SMYD5: variants seen among roughly 807,000 people sequenced by gnomAD.
SMYD5 encodes SMYD family member 5.
SMYD5 carries 35 observed loss-of-function variants against 57.4 expected under a neutral mutation model. The observed-to-expected ratio is 0.61, with a 90% CI of 0.47 to 0.81. The LOEUF (loss-of-function observed/expected upper bound fraction) is 0.81, where lower values mean the gene tolerates loss of function less well. Ranked by LOEUF, SMYD5 falls within the 30% of genes least tolerant of loss-of-function variation. The pLI is 0.00. For missense variants in SMYD5, 471 were observed against 527.9 expected, an observed-to-expected ratio of 0.89 and a Z score of 1.06; for synonymous variants, 198 against 189.7, an observed-to-expected ratio of 1.04 and a Z score of -0.36.
intron 10 of SMYD5, 124 bp from the exon 11 acceptor site, chr2:73,224,742 G>T: frequency 2.9e-6 from 2 of 694,946 alleles, no homozygotes; most frequent in Non-Finnish European, 4.9e-6. Context: ...CCAGAAACTT[G>T]GGTTCCAAAA....
chr2:73,221,347 T>C, intron 5 of SMYD5, 113 bp downstream of exon 5: 1 of 845,300 alleles, frequency 1.2e-6, no homozygotes, highest in Middle Eastern at 3.3e-4. Context: ...TTCCTGGCCT[T>C]CCCAAAGGAG....
intron 4 of SMYD5, 68 bp downstream of exon 4, chr2:73,220,850 G>T (rs1686373946): frequency 1.9e-6 from 3 of 1,561,006 alleles, no homozygotes; most frequent in South Asian, 2.3e-5. Flanking sequence ...GGCTCATCAG[G>T]TGTTGCCGTC....
Position 73,224,023 on chromosome 2 carries a change from A to T in SMYD5, c.940+20A>T, listed in dbSNP as rs760786903. ...GCTGCTGTGAGTCATGGCGTTGAGG[A>T]GGGATGGTCCCAGGCGCTTCTGCCT... is the stretch of plus-strand genomic sequence containing the variant. On this transcript the variant is annotated intron_variant, in intron 10 of 12. Transcript: ENST00000389501. 3.7e-6 allele frequency: 6 copies of T among 1,612,602 alleles called. No homozygotes were observed. The highest frequency in any genetic ancestry group is 1.6e-4 in the Middle Eastern group (1 of 6,082).
In SMYD5 at chr2:73,225,785, C is replaced by T; in HGVS notation, c.1107-11C>T. 6.2e-7 allele frequency: 1 copy of T among 1,614,092 alleles called. No homozygotes were observed. Among genetic ancestry groups the T allele is most frequent in the Non-Finnish European group, 8.5e-7 (1 of 1,179,958 alleles). On this transcript the variant is annotated splice_polypyrimidine_tract_variant and intron_variant, in intron 12 of 12. Coordinates refer to ENST00000389501, the MANE Select transcript of SMYD5 (RefSeq NM_006062.3). ...CTGACTTTTCCCCCTCACCATCCCC[C>T]ACCGCTGCAGGGAGAACTATCTATT...
intron 9 of SMYD5, 44 bp downstream of exon 9, chr2:73,223,576 C>A: frequency 1.5e-6 from 2 of 1,312,200 alleles, no homozygotes; most frequent in Non-Finnish European, 2.2e-6. Context: ...ATGGCGACCC[C>A]CCCAGTCAGA....
Position 73,227,048 on chromosome 2 carries a change from C to G in SMYD5, c.*1102C>G, listed in dbSNP as rs77757530. The G allele has an allele frequency of 0.02, 3,134 of 152,936 alleles. 52 individuals are homozygous for G. Among genetic ancestry groups the G allele is most frequent in the Middle Eastern group, 0.051 (15 of 294 alleles). The allele number at this position is 152,936 out of a possible 1,614,324, so 9.5% of individuals were successfully genotyped here. A position where few individuals can be genotyped will look rare whatever the true frequency, so the allele number is the denominator to read the frequency against. ...TCCTGGAGGAGCCTGCTGCATTCTC[C>G]TGCTGAGGGATCCCAGAGAGGGCAG... On this transcript the variant is annotated 3_prime_UTR_variant, in exon 13 of 13. Transcript: ENST00000389501.
chr2:73,218,953 A>C lies in SMYD5; in HGVS notation c.189A>C (p.Ala63=). The C allele has an allele frequency of 6.2e-7, 1 of 1,613,348 alleles. No homozygotes were observed. Among genetic ancestry groups the C allele is most frequent in the Non-Finnish European group, 8.5e-7 (1 of 1,179,238 alleles). The part of the protein sequence containing the change: ...PLVAAQFLWN[A]LYRYRACDHC... The stretch of plus-strand genomic sequence containing the variant: ...TGGCTGCACAGTTTCTCTGGAATGC[A>C]CTTTATCGCTACCGAGGTGAGTACA... The change falls in exon 2 of 13, where the codon GCA becomes GCC. Residue 63 remains alanine, a synonymous_variant. Coordinates refer to ENST00000389501, the MANE Select transcript of SMYD5 (RefSeq NM_006062.3).
In SMYD5 at chr2:73,214,255, G is replaced by T. The variant is rs367690227; in HGVS notation, c.-12G>T. 25 of 1,613,614 alleles carry T rather than the reference G, an allele frequency of 1.5e-5. No individual in the cohort carries two copies. The African/African-American group carries it at 2.8e-4, about 18-fold the overall frequency. On this transcript the variant is annotated 5_prime_UTR_variant, in exon 1 of 13. The change creates a new upstream start codon in the 5' untranslated region. Transcript: ENST00000389501. ...GCGGGGTTAAGGGTCATAAGGCGGA[G>T]GCGCGCCCAAGATGGCGGCCTCCAT...
rs1686506612 is a variant in SMYD5, at chr2:73,226,371, GA to G, written c.*426del. 1 of 163,884 alleles carries G rather than the reference GA, an allele frequency of 6.1e-6. No individual in the cohort carries two copies. Among genetic ancestry groups the G allele is most frequent in the Non-Finnish European group, 1.3e-5 (1 of 74,810 alleles). The allele number at this position is 163,884 out of a possible 1,614,324, so 10.2% of individuals were successfully genotyped here. Reference sequence around the variant, plus strand: ...AAGAAAGACCGAGTTCATTGAAGCAGAGATGGGAGGTGGTGAGGCGTCCTCA... The same window carrying G: ...AAGAAAGACCGAGTTCATTGAAGCAGGATGGGAGGTGGTGAGGCGTCCTCA... On this transcript the variant is annotated 3_prime_UTR_variant, in exon 13 of 13. Transcript: ENST00000389501.
chr2:73,220,579 G>T, intron 3 of SMYD5, 82 bp from the exon 4 acceptor site: 1 of 1,518,158 alleles, frequency 6.6e-7, no homozygotes, highest in Non-Finnish European at 9.1e-7. Context: ...ACAGCTCAGG[G>T]GCTATTTGTG....
At chr2:73,222,937 A>C (rs1201691024) in intron 7 of SMYD5, 99 bp from the exon 8 acceptor site, 1 of 1,483,624 alleles carries the variant, frequency 6.7e-7, no homozygotes. Context: ...TCTGGAGTTC[A>C]GATGAGCCTG....
intron 1 of SMYD5, among the ~76,000 whole-genome samples, chr2:73,215,670 A>C (rs1686281994): frequency 6.6e-6 from 1 of 150,730 alleles, no homozygotes. Context: ...TCCTTTCTTC[A>C]TTTCTTCCCT....
At position 73,226,003 on chromosome 2, in the gene SMYD5, C is replaced by A; in HGVS notation, c.*57C>A. 6.5e-7 allele frequency: 1 copy of A among 1,537,030 alleles called. No individual in the cohort carries two copies. Among genetic ancestry groups the A allele is most frequent in the South Asian group, 1.2e-5 (1 of 80,940 alleles). Reference sequence around the variant, plus strand: ...GACCCTGCCAGAAAAGGGGGCTCTTCCCCCAGAGAAGTGGCTTGGAGGGAA... The same window carrying A: ...GACCCTGCCAGAAAAGGGGGCTCTTACCCCAGAGAAGTGGCTTGGAGGGAA... On this transcript the variant is annotated 3_prime_UTR_variant, in exon 13 of 13. Transcript: ENST00000389501.
chr2:73,214,273 G>A lies in SMYD5; in HGVS notation c.7G>A (p.Ala3Thr). 6.2e-7 allele frequency: 1 copy of A among 1,613,848 alleles called. No individual in the cohort carries two copies. The highest frequency in any genetic ancestry group is 8.5e-7 in the Non-Finnish European group (1 of 1,179,876). The change falls in exon 1 of 13, where the codon GCC becomes ACC. Residue 3 changes from alanine (A) to threonine (T), a missense_variant. Physicochemically the swap from Ala to Thr is moderately conservative, Grantham distance 58. Coordinates refer to ENST00000389501, the MANE Select transcript of SMYD5 (RefSeq NM_006062.3). Reference sequence around the variant, plus strand: ...AGGCGGAGGCGCGCCCAAGATGGCGGCCTCCATGTGCGACGTGTTCTCCTT... The same window carrying A: ...AGGCGGAGGCGCGCCCAAGATGGCGACCTCCATGTGCGACGTGTTCTCCTT... MAASMCDVFSFCV... is the reference protein window; with the variant it reads MATSMCDVFSFCV...
chr2:73,214,278 C>T lies in SMYD5; in HGVS notation c.12C>T (p.Ser4=), dbSNP rs2103703996. 1.9e-6 allele frequency: 3 copies of T among 1,613,850 alleles called. No homozygotes were observed. The highest frequency in any genetic ancestry group is 2.2e-5 in the East Asian group (1 of 44,854). The change falls in exon 1 of 13, where the codon TCC becomes TCT. Residue 4 remains serine (S), a synonymous_variant. Coordinates refer to ENST00000389501, the MANE Select transcript of SMYD5 (RefSeq NM_006062.3). ...GAGGCGCGCCCAAGATGGCGGCCTCCATGTGCGACGTGTTCTCCTTCTGCG... is the reference window on the plus strand; with the variant it reads ...GAGGCGCGCCCAAGATGGCGGCCTCTATGTGCGACGTGTTCTCCTTCTGCG... MAA[S]MCDVFSFCVG... is the part of the protein sequence containing the mutation.
Position 73,226,832 on chromosome 2 carries a change from T to G in SMYD5, c.*886T>G, listed in dbSNP as rs1328487331. On this transcript the variant is annotated 3_prime_UTR_variant, in exon 13 of 13. Coordinates refer to ENST00000389501, the MANE Select transcript of SMYD5 (RefSeq NM_006062.3). ...AAAATGGGTCAGTGAGGGGCTCTCCTGGCCTCAATCTCCATCTTTAGGGTC... is the reference window on the plus strand; with the variant it reads ...AAAATGGGTCAGTGAGGGGCTCTCCGGGCCTCAATCTCCATCTTTAGGGTC... 6.5e-6 allele frequency: 1 copy of G among 152,742 alleles called. No individual in the cohort carries two copies. The highest frequency in any genetic ancestry group is 1.5e-5 in the Non-Finnish European group (1 of 68,140). The allele number at this position is 152,742 out of a possible 1,614,324, so 9.5% of individuals were successfully genotyped here. A position where few individuals can be genotyped will look rare whatever the true frequency, so the allele number is the denominator to read the frequency against.
intron 6 of SMYD5, 99 bp from the exon 7 acceptor site, chr2:73,222,656 G>C: frequency 1.1e-6 from 1 of 915,894 alleles, no homozygotes; most frequent in Non-Finnish European, 1.7e-6. Context: ...CTACAGAGCT[G>C]GCCCTTTTTC....
intron 9 of SMYD5, 79 bp from the exon 10 acceptor site, chr2:73,223,868 G>T: frequency 7.6e-7 from 1 of 1,320,510 alleles, no homozygotes. Flanking sequence ...TGGAGACAGT[G>T]CCTGTCCGTG....
intron 1 of SMYD5, 95 bp from the exon 2 acceptor site, chr2:73,218,766 G>A: frequency 1.2e-6 from 1 of 831,652 alleles, no homozygotes; most frequent in South Asian, 1.5e-5. Flanking sequence ...CTAAGAGTGA[G>A]GCATGTGGGA....
Sources: gnomAD v4.1 joint callset for allele counts (sites outside exome capture counted in the v4.1 genomes callset) on GRCh38, gnomAD v4.1.1 for gene constraint, MANE v1.5 for transcripts, NCBI Gene and HGNC (gene_info 2026-07-23, HGNC 2026-07-21) for gene names.